Variants in PARP1 observed in about 807,000 individuals in gnomAD.
PARP1 encodes poly [ADP-ribose] polymerase 1.
PARP1 carries 44 observed loss-of-function variants against 118.7 expected under a neutral mutation model. The ratio of observed to expected loss-of-function variants is 0.37; its 90% CI spans 0.29 to 0.48. The LOEUF is 0.48. Ranked by LOEUF, PARP1 falls within the 20% of genes least tolerant of loss-of-function variation. The pLI is 0.99. For missense variants in PARP1, 1,100 were observed against 1,272.4 expected (o/e 0.86, Z 2.06); for synonymous variants, 492 against 483.2 (o/e 1.02, Z -0.24).
intron 2 of PARP1, 151 bp from the exon 3 acceptor site, chr1:226,392,465 G>T (rs1235709052): frequency 8.4e-6 from 6 of 712,702 alleles, no homozygotes; most frequent in Admixed American, 5.9e-5. Flanking sequence ...CTGTCTGTTT[G>T]TAACAACCGT....
Position 226,402,437 on chromosome 1 carries a change from A to T in PARP1, c.121-58T>A. On this transcript the variant is annotated intron_variant, in intron 1 of 22. Transcript: ENST00000366794. The stretch of plus-strand genomic sequence containing the variant: ...AGCAGTTAACTTTTGACTTAGACCC[A>T]CTAGACCTTGACCTTGACCTCGACC... The T allele has an allele frequency of 1.9e-6, 3 of 1,541,900 alleles. No individual in the cohort carries two copies. In the South Asian group the frequency reaches 3.5e-5, roughly 18 times the overall value.
chr1:226,361,995 C>A lies in PARP1; in HGVS notation c.2937G>T (p.Val979=), dbSNP rs754438020. 1.3e-5 allele frequency: 21 copies of A among 1,599,548 alleles called. No individual in the cohort carries two copies. The highest frequency in any genetic ancestry group is 1.8e-5 in the Non-Finnish European group (21 of 1,166,690). The change falls in exon 22 of 23, where the codon GTG becomes GTT. Residue 979 remains valine (V), a synonymous_variant. Coordinates refer to ENST00000366794, the MANE Select transcript of PARP1 (RefSeq NM_001618.4). ...CGTTATATAGTAGAGAGGTGTCATT[C>A]ACACCAGATGAAATCCCGGTCCCAA... ...VPLGTGISSG[V]NDTSLLYNEY... is the part of the protein sequence containing the mutation.
chr1:226,368,884 C>CA (rs1019300868), intron 15 of PARP1, among the ~76,000 whole-genome samples: 2 of 152,154 alleles, frequency 1.3e-5, no homozygotes, highest in African/African-American at 2.4e-5. Context: ...AAAGGGTGCA[C>CA]AAAAAATGCA....
At chr1:226,391,909 GACAA>G (rs547716094) in intron 3 of PARP1, among the ~76,000 whole-genome samples, 31 of 152,286 alleles carry the variant, frequency 2.0e-4, no homozygotes, top group African/African-American at 6.7e-4. Flanking sequence ...ATAAAACACA[GACAA>G]ACAGTCTCTC....
chr1:226,372,673 T>TCAAACCAAAC (rs141615498), intron 14 of PARP1, among the ~76,000 whole-genome samples: 33 of 151,678 alleles, frequency 2.2e-4, no homozygotes, highest in African/African-American at 5.8e-4. Context: ...AAACTCCGTC[T>TCAAACCAAAC]CAAACCAAAC....
chr1:226,361,365 C>T lies in PARP1; in HGVS notation c.*95G>A, dbSNP rs13306133. 7,855 of 776,532 alleles carry T rather than the reference C, an allele frequency of 0.01. 348 individuals are homozygous for T. The highest frequency in any genetic ancestry group is 0.077 in the South Asian group (5,388 of 70,370). The allele number at this position is 776,532 out of a possible 1,614,324, so 48.1% of individuals were successfully genotyped here. On this transcript the variant is annotated 3_prime_UTR_variant, in exon 23 of 23. Coordinates refer to ENST00000366794, the MANE Select transcript of PARP1 (RefSeq NM_001618.4). Reference sequence around the variant, plus strand: ...TGAGGTGGTTTAGTACAGGTACTACCCATCAGCAACTTAGCGGCCAGGTGA... The same window carrying T: ...TGAGGTGGTTTAGTACAGGTACTACTCATCAGCAACTTAGCGGCCAGGTGA...
chr1:226,407,327 T>C (rs1665168147), intron 1 of PARP1, among the ~76,000 whole-genome samples: 1 of 147,724 alleles, frequency 6.8e-6, no homozygotes, highest in African/African-American at 2.5e-5. Flanking sequence ...AAAATGAGAG[T>C]GAGCGTTTAA....
chr1:226,370,170 A>C (rs553808239), intron 15 of PARP1, among the ~76,000 whole-genome samples: 1 of 152,222 alleles, frequency 6.6e-6, no homozygotes, highest in East Asian at 1.9e-4. Flanking sequence ...AGAGAGGGTA[A>C]CCAACGTCTT....
intron 7 of PARP1, 70 bp from the exon 8 acceptor site, chr1:226,383,253 G>A: frequency 8.1e-7 from 1 of 1,240,256 alleles, no homozygotes; most frequent in Non-Finnish European, 1.2e-6. Context: ...GACCAAAGAG[G>A]ATTTGGCTTG....
chr1:226,369,156 T>TGTAAGTTCTCA (rs553705166), intron 15 of PARP1, among the ~76,000 whole-genome samples: 7 of 152,214 alleles, frequency 4.6e-5, no homozygotes, highest in Non-Finnish European at 8.8e-5. Context: ...AGGAAAGCCT[T>TGTAAGTTCTCA]GTAAGTTCTC....
chr1:226,386,256 T>G lies in PARP1; in HGVS notation c.834+70A>C, dbSNP rs562022564. 64 of 905,684 alleles carry G rather than the reference T, an allele frequency of 7.1e-5. No homozygotes were observed. In the African/African-American group the frequency reaches 9.3e-4, roughly 13 times the overall value. 56.1% of individuals were successfully genotyped at this position (905,684 alleles called of 1,614,324 possible). A position where few individuals can be genotyped will look rare whatever the true frequency, so the allele number is the denominator to read the frequency against. On this transcript the variant is annotated intron_variant, in intron 6 of 22. Transcript: ENST00000366794. ...ACACGGAGGGCCTCCCACACTCCAT[T>G]GGGACAGTCACTCCACAACGACGGG...
At chr1:226,380,223 C>T (rs140594624) in intron 9 of PARP1, 59 bp from the exon 10 acceptor site, 135 of 1,510,850 alleles carry the variant, frequency 8.9e-5, no homozygotes, top group Admixed American at 2.5e-4. Flanking sequence ...ACTGAAACTT[C>T]AAATTACTAC....
intron 20 of PARP1, 93 bp downstream of exon 20, chr1:226,363,850 A>C: frequency 7.1e-7 from 1 of 1,403,218 alleles, no homozygotes; most frequent in Non-Finnish European, 1.0e-6. Context: ...GCAGTGGGGA[A>C]TTTCTACTCT....
intron 6 of PARP1, 139 bp downstream of exon 6, chr1:226,386,187 C>G (rs1469244244): frequency 4.3e-6 from 3 of 705,682 alleles, no homozygotes; most frequent in Non-Finnish European, 7.8e-6. Flanking sequence ...CCGTGCAACA[C>G]AACCACGATT....
chr1:226,385,434 A>G, intron 7 of PARP1, 70 bp downstream of exon 7: 1 of 1,362,596 alleles, frequency 7.3e-7, no homozygotes, highest in Non-Finnish European at 1.0e-6. Context: ...GACCTGAAGT[A>G]TAAACAAGCG....
chr1:226,387,441 G>A (rs759988192), intron 5 of PARP1, among the ~76,000 whole-genome samples: 1 of 152,138 alleles, frequency 6.6e-6, no homozygotes, highest in African/African-American at 2.4e-5. Flanking sequence ...AGACAAAAAT[G>A]CCAGCCCTAT....
intron 21 of PARP1, among the ~76,000 whole-genome samples, chr1:226,362,840 T>C (rs1021828292): frequency 9.1e-5 from 13 of 143,316 alleles, no homozygotes; most frequent in Non-Finnish European, 1.7e-4. Context: ...CCTCCTGCTA[T>C]AGAGCTTGCC....
intron 17 of PARP1, chr1:226,366,280 G>GCA: frequency 1.9e-6 from 1 of 525,166 alleles, no homozygotes; most frequent in Non-Finnish European, 3.4e-6. Flanking sequence ...GAGAATCTCA[G>GCA]GGTTCCTTTT....
chr1:226,362,905 G>A (rs951215483), intron 21 of PARP1, among the ~76,000 whole-genome samples, 194 bp downstream of exon 21: 1 of 150,038 alleles, frequency 6.7e-6, no homozygotes, highest in African/African-American at 2.5e-5. Flanking sequence ...ATCATGGTCA[G>A]TTGCAGCATA....
Sources: gnomAD v4.1 joint callset for allele counts (sites outside exome capture counted in the v4.1 genomes callset) on GRCh38, gnomAD v4.1.1 for gene constraint, MANE v1.5 for transcripts, NCBI Gene and HGNC (gene_info 2026-07-23, HGNC 2026-07-21) for gene names.